The following UNC5D variants were observed in gnomAD, a reference collection of about 807,000 sequenced individuals.
UNC5D encodes unc-5 netrin receptor D, also known as netrin receptor UNC5D.
UNC5D carries 39 observed loss-of-function variants against 105.4 expected under a neutral mutation model. The observed-to-expected ratio is 0.37, with a 90% CI of 0.29 to 0.48. UNC5D has a LOEUF of 0.48. Ranked by LOEUF, UNC5D falls within the 20% of genes least tolerant of loss-of-function variation. The probability of loss-of-function intolerance (pLI) is 0.98; values close to 1 mark genes in which losing one functional copy is unlikely to be tolerated. For synonymous variants in UNC5D, 452 were observed against 450.4 expected, an observed-to-expected ratio of 1.00 and a Z score of -0.04; for missense variants, 991 against 1,202.4, an observed-to-expected ratio of 0.82 and a Z score of 2.60.
intron 1 of UNC5D, among the ~76,000 whole-genome samples, chr8:35,329,002 C>A (rs1810392990): frequency 6.6e-6 from 1 of 152,108 alleles, no homozygotes; most frequent in South Asian, 2.1e-4. Context: ...GTTGTATTTT[C>A]TGAGATACTG....
intron 1 of UNC5D, among the ~76,000 whole-genome samples, chr8:35,334,908 G>A (rs1376103464): frequency 3.3e-5 from 5 of 151,996 alleles, no homozygotes; most frequent in East Asian, 1.9e-4. Context: ...ATGAACATAC[G>A]CCTCACCCCA....
intron 1 of UNC5D, among the ~76,000 whole-genome samples, chr8:35,356,655 A>C (rs1196964975): frequency 1.3e-5 from 2 of 151,558 alleles, no homozygotes; most frequent in African/African-American, 4.9e-5. Flanking sequence ...TCCTTATTCA[A>C]CTGGGAACTT....
intron 4 of UNC5D, among the ~76,000 whole-genome samples, chr8:35,625,495 G>A (rs561468672): frequency 7.9e-5 from 12 of 152,282 alleles, no homozygotes; most frequent in South Asian, 6.2e-4. Context: ...TGGGAGAGCC[G>A]TTGCTGCATA....
At chr8:35,710,363 G>C (rs1304085966) in intron 8 of UNC5D, among the ~76,000 whole-genome samples, 2 of 152,178 alleles carry the variant, frequency 1.3e-5, no homozygotes, top group East Asian at 3.9e-4. Flanking sequence ...GCAACTGGAA[G>C]AATGGAGTTG....
At position 35,334,216 on chromosome 8, in the gene UNC5D, C is replaced by T. The variant is rs545835739; in HGVS notation, c.103+98329C>T. On this transcript the variant is annotated intron_variant, in intron 1 of 16. Transcript: ENST00000404895. ...TAACTGCAGTGATCAGAGACAGCTG[C>T]GAAAAGGCAGAAGTAGCGTCAGTGA... 3.9e-5 allele frequency among the ~76,000 whole-genome samples: 6 copies of T among 152,060 alleles called. No homozygotes were observed. In the South Asian group the frequency reaches 8.4e-4, roughly 21 times the overall value.
chr8:35,683,604 A>G lies in UNC5D; in HGVS notation c.628A>G (p.Thr210Ala), dbSNP rs1159256159. ...IDSEQDENID[T>A]RADHNLIIRQ... is the part of the protein sequence containing the mutation. ...CTCTGAACAAGACGAGAACATTGAC[A>G]CCAGGGCTGACCATAACCTGATCAT... Residue 210 changes from threonine to alanine, a missense_variant, in exon 5 of 17, where the codon ACC becomes GCC. Physicochemically the swap from Thr to Ala is moderately conservative, Grantham distance 58. Transcript: ENST00000404895. 1 of 1,580,608 alleles carries G rather than the reference A, an allele frequency of 6.3e-7. No individual in the cohort carries two copies. Among genetic ancestry groups the G allele is most frequent in the Non-Finnish European group, 8.6e-7 (1 of 1,168,398 alleles).
At chr8:35,346,031 A>G (rs1811785675) in intron 1 of UNC5D, among the ~76,000 whole-genome samples, 1 of 152,038 alleles carries the variant, frequency 6.6e-6, no homozygotes, top group African/African-American at 2.4e-5. Flanking sequence ...AAATTCTTAA[A>G]AGAGAGAAAA....
At chr8:35,266,731 A>T (rs2128828686) in intron 1 of UNC5D, among the ~76,000 whole-genome samples, 1 of 152,294 alleles carries the variant, frequency 6.6e-6, no homozygotes. Context: ...TTGGGGCTGG[A>T]ATCAAATGCA....
intron 13 of UNC5D, among the ~76,000 whole-genome samples, chr8:35,751,999 T>C (rs1170826093): frequency 6.6e-6 from 1 of 151,952 alleles, no homozygotes; most frequent in East Asian, 1.9e-4. Flanking sequence ...AGTGAGAAAA[T>C]TGCTTGAATC....
At chr8:35,341,838 A>C (rs1811476575) in intron 1 of UNC5D, among the ~76,000 whole-genome samples, 1 of 152,138 alleles carries the variant, frequency 6.6e-6, no homozygotes, top group Admixed American at 6.6e-5. Flanking sequence ...ACTAAGGAAA[A>C]AGATGTTGTA....
At chr8:35,442,113 A>G (rs1807445667) in intron 1 of UNC5D, among the ~76,000 whole-genome samples, 1 of 151,934 alleles carries the variant, frequency 6.6e-6, no homozygotes, top group South Asian at 2.1e-4. Context: ...TTATAAATTG[A>G]CATAAACACA....
chr8:35,586,319 T>A (rs1009384203), intron 3 of UNC5D, among the ~76,000 whole-genome samples: 5 of 152,088 alleles, frequency 3.3e-5, no homozygotes, highest in African/African-American at 1.2e-4. Context: ...AGGTAGAGGG[T>A]TTAAGCCACG....
At chr8:35,450,570 A>G (rs1808081745) in intron 1 of UNC5D, among the ~76,000 whole-genome samples, 1 of 152,180 alleles carries the variant, frequency 6.6e-6, no homozygotes, top group African/African-American at 2.4e-5. Flanking sequence ...TATTCTTCAG[A>G]GAAAGCTATA....
chr8:35,415,363 C>A (rs1733773406), intron 1 of UNC5D, among the ~76,000 whole-genome samples: 1 of 152,062 alleles, frequency 6.6e-6, no homozygotes, highest in Admixed American at 6.6e-5. Context: ...CAATGCAATC[C>A]ACCTGTTGTT....
In UNC5D at chr8:35,595,044, C is replaced by A. The variant is rs113588676; in HGVS notation, c.467-510C>A. On this transcript the variant is annotated intron_variant, in intron 3 of 16. Transcript: ENST00000404895. ...TTGTGGTTGAATGTTGCCCCTTCTC[C>A]CTGGTTACAAATAAAAAGACTAATA... is the stretch of plus-strand genomic sequence containing the variant. 3.0e-3 allele frequency among the ~76,000 whole-genome samples: 459 copies of A among 152,256 alleles called. 1 individual carries two copies. The highest frequency in any genetic ancestry group is 4.5e-3 in the Non-Finnish European group (306 of 68,018).
At chr8:35,309,841 T>C (rs772430998) in intron 1 of UNC5D, among the ~76,000 whole-genome samples, 14 of 152,188 alleles carry the variant, frequency 9.2e-5, no homozygotes, top group South Asian at 2.1e-4. Flanking sequence ...AATAATTGCA[T>C]GTTAAGCAAG....
chr8:35,742,053 C>T lies in UNC5D; in HGVS notation c.1767-6474C>T, dbSNP rs537868734. Among the ~76,000 whole-genome samples the T allele has an allele frequency of 3.5e-4, 53 of 152,236 alleles. 1 individual carries two copies. Among genetic ancestry groups the T allele is most frequent in the Non-Finnish European group, 7.4e-4 (50 of 68,002 alleles). ...TCCATTCTGCTCACTTCCTGTTCTC[C>T]CTCTCCAGGAGTCTGTTTTCTTAAA... is the stretch of plus-strand genomic sequence containing the variant. On this transcript the variant is annotated intron_variant, in intron 11 of 16. Transcript: ENST00000404895.
intron 16 of UNC5D, among the ~76,000 whole-genome samples, chr8:35,779,109 G>A (rs1802388806): frequency 6.6e-6 from 1 of 152,234 alleles, no homozygotes; most frequent in African/African-American, 2.4e-5. Context: ...TTTCAAAGCT[G>A]AGATTGCACA....
chr8:35,674,883 A>C (rs1825099891), intron 4 of UNC5D, among the ~76,000 whole-genome samples: 1 of 152,160 alleles, frequency 6.6e-6, no homozygotes, highest in Admixed American at 6.6e-5. Context: ...TAAGATGCTA[A>C]CTTCAAAAAG....
Sources: allele counts gnomAD v4.1 joint callset (sites outside exome capture counted in the v4.1 genomes callset), GRCh38; gene constraint gnomAD v4.1.1; transcripts MANE v1.5; gene names NCBI Gene and HGNC (gene_info 2026-07-23, HGNC 2026-07-21).